Variants in ST3GAL3 observed in about 807,000 individuals in gnomAD.
The protein encoded by ST3GAL3 is ST3 beta-galactoside alpha-2,3-sialyltransferase 3, also known as CMP-N-acetylneuraminate-beta-1,4-galactoside alpha-2,3-sialyltransferase.
Under a neutral mutation model 50.1 loss-of-function variants are expected in ST3GAL3, and 21 were observed. The observed-to-expected ratio is 0.42, with a 90% CI of 0.30 to 0.60. The LOEUF (loss-of-function observed/expected upper bound fraction) is 0.60. Ranked by LOEUF, ST3GAL3 falls within the 20% of genes least tolerant of loss-of-function variation. The probability of loss-of-function intolerance (pLI) is 0.19; values close to 1 mark genes in which losing one functional copy is unlikely to be tolerated. For missense variants in ST3GAL3, 353 were observed against 489.4 expected, an observed-to-expected ratio of 0.72 and a Z score of 2.63; for synonymous variants, 183 against 190.0, an observed-to-expected ratio of 0.96 and a Z score of 0.30.
rs750351440 is a variant in ST3GAL3 at position 43,899,207 on chromosome 1, C to T, written c.501C>T (p.Gly167=). 3.1e-6 allele frequency: 5 copies of T among 1,614,196 alleles called. No individual in the cohort carries two copies. Among genetic ancestry groups the T allele is most frequent in the Non-Finnish European group, 4.2e-6 (5 of 1,180,042 alleles). Residue 167 remains glycine (G), a synonymous_variant, in exon 8 of 12, where the codon GGC becomes GGT. Transcript: ENST00000347631. The surrounding 1 kb of genome is among the most constrained non-coding windows in gnomAD (Gnocchi z 5.4). The part of the protein sequence containing the change: ...CRRCIIVGNG[G]VLANKSLGSR... The stretch of plus-strand genomic sequence containing the variant: ...GCTGCATCATCGTGGGCAATGGAGG[C>T]GTTCTTGCCAACAAGTCTCTGGGGT...
chr1:43,883,055 C>G (rs1017671595), intron 5 of ST3GAL3, among the ~76,000 whole-genome samples: 1 of 151,980 alleles, frequency 6.6e-6, no homozygotes, highest in Admixed American at 6.6e-5. Context: ...TCGACCCTTC[C>G]AGGCTCAAGC....
At chr1:43,870,109 C>T (rs2072302935) in intron 5 of ST3GAL3, among the ~76,000 whole-genome samples, 1 of 152,220 alleles carries the variant, frequency 6.6e-6, no homozygotes, top group Non-Finnish European at 1.5e-5. Context: ...AAACATGGCT[C>T]ACCACCTTCT....
chr1:43,819,636 T>A (rs1309316848), intron 4 of ST3GAL3, among the ~76,000 whole-genome samples: 1 of 133,140 alleles, frequency 7.5e-6, no homozygotes, highest in African/African-American at 2.7e-5. Flanking sequence ...AAATACTCCT[T>A]TAAAAAAATG....
At chr1:43,734,308 GTTT>G (rs11338876) in intron 1 of ST3GAL3, among the ~76,000 whole-genome samples, 1 of 113,306 alleles carries the variant, frequency 8.8e-6, no homozygotes, top group Non-Finnish European at 1.7e-5. Context: ...TTTTTTTTTT[GTTT>G]TTTTTTTTTT....
At chr1:43,741,147 G>A (rs1417265922) in intron 2 of ST3GAL3, among the ~76,000 whole-genome samples, 3 of 151,904 alleles carry the variant, frequency 2.0e-5, no homozygotes, top group African/African-American at 7.3e-5. Flanking sequence ...GGCAACATAG[G>A]GAGACCCTGT....
chr1:43,861,701 A>C (rs1376118679), intron 5 of ST3GAL3, among the ~76,000 whole-genome samples: 2 of 152,224 alleles, frequency 1.3e-5, no homozygotes, highest in East Asian at 3.9e-4. Context: ...TAGTCCCCCA[A>C]CCTGGAGTGC....
chr1:43,915,551 G>A (rs2081637731), intron 9 of ST3GAL3, among the ~76,000 whole-genome samples: 2 of 152,188 alleles, frequency 1.3e-5, no homozygotes, highest in Admixed American at 6.6e-5. Context: ...TCAGATGTCA[G>A]TTCTGCCTTG....
At chr1:43,900,862 C>T (rs899757079) in intron 9 of ST3GAL3, 1 of 152,368 alleles carries the variant, frequency 6.6e-6, no homozygotes, top group East Asian at 1.9e-4. Context: ...AAGGGGAATC[C>T]ATTTCAGAAC....
intron 5 of ST3GAL3, chr1:43,842,439 T>TG (rs2154200734): frequency 6.6e-6 from 1 of 152,316 alleles, no homozygotes; most frequent in East Asian, 1.9e-4. Context: ...GGTAAGCAGA[T>TG]GCCAGCACCA....
At chr1:43,923,535 G>T (rs2083415275) in intron 11 of ST3GAL3, among the ~76,000 whole-genome samples, 1 of 152,138 alleles carries the variant, frequency 6.6e-6, no homozygotes, top group South Asian at 2.1e-4. Flanking sequence ...ATCTGGTCAG[G>T]ACCCACCAGA....
intron 2 of ST3GAL3, among the ~76,000 whole-genome samples, chr1:43,774,799 G>A (rs1019623480): frequency 6.6e-6 from 1 of 152,118 alleles, no homozygotes; most frequent in Non-Finnish European, 1.5e-5. Context: ...AATACATATT[G>A]AGTGTCTGCT....
At chr1:43,893,307 C>T (rs1051686060) in intron 5 of ST3GAL3, among the ~76,000 whole-genome samples, 3 of 152,226 alleles carry the variant, frequency 2.0e-5, no homozygotes, top group Admixed American at 6.5e-5. Flanking sequence ...CACAGAGCCA[C>T]GGAGGCCCAG....
intron 1 of ST3GAL3, among the ~76,000 whole-genome samples, chr1:43,729,333 G>T (rs1361143299): frequency 6.6e-6 from 1 of 152,030 alleles, no homozygotes; most frequent in South Asian, 2.1e-4. Context: ...TTATTCCTTG[G>T]CCTCCCAAAG....
chr1:43,832,884 G>A (rs951696698), intron 4 of ST3GAL3, among the ~76,000 whole-genome samples: 2 of 152,166 alleles, frequency 1.3e-5, no homozygotes, highest in African/African-American at 4.8e-5. Flanking sequence ...CCTCCTCTGT[G>A]GATGGAAAGA....
At chr1:43,722,855 G>A (rs1278261684) in intron 1 of ST3GAL3, among the ~76,000 whole-genome samples, 2 of 152,186 alleles carry the variant, frequency 1.3e-5, no homozygotes, top group Non-Finnish European at 2.9e-5. Flanking sequence ...TTACATACTT[G>A]GACTTGGAAC....
intron 1 of ST3GAL3, among the ~76,000 whole-genome samples, chr1:43,717,246 C>T (rs1014571913): frequency 5.3e-5 from 8 of 152,290 alleles, no homozygotes; most frequent in African/African-American, 9.6e-5. Flanking sequence ...CCTGTGTGTC[C>T]GCTGCTTTAC....
rs1220505526 is a variant in ST3GAL3, at chr1:43,896,106, T to C, written c.397+1629T>C. Among the ~76,000 whole-genome samples the C allele has an allele frequency of 2.6e-5, 4 of 152,148 alleles. No homozygotes were observed. In the East Asian group the frequency reaches 7.7e-4, roughly 29 times the overall value. On this transcript the variant is annotated intron_variant, in intron 6 of 11. Coordinates refer to ENST00000347631, the MANE Select transcript of ST3GAL3 (RefSeq NM_006279.5). ...GTGTAGAACATTGCTTAAAGGTTTG[T>C]TTCCCTACCCCATTCTCACTCAACT...
At chr1:43,898,436 T>A (rs1028998176) in intron 7 of ST3GAL3, 138 bp downstream of exon 7, 1 of 899,362 alleles carries the variant, frequency 1.1e-6, no homozygotes, top group Non-Finnish European at 1.8e-6. Flanking sequence ...ACACACAGGG[T>A]GGGTGGAGCA....
chr1:43,799,353 C>T (rs764415207), intron 3 of ST3GAL3, among the ~76,000 whole-genome samples: 13 of 152,148 alleles, frequency 8.5e-5, no homozygotes, highest in Admixed American at 3.3e-4. Flanking sequence ...TTGTGATTGT[C>T]GTAGTCTCTT....
Sources: allele counts gnomAD v4.1 joint callset (sites outside exome capture counted in the v4.1 genomes callset), GRCh38; gene constraint gnomAD v4.1.1; non-coding constraint Gnocchi (gnomAD v3.1); transcripts MANE v1.5; gene names NCBI Gene and HGNC (gene_info 2026-07-23, HGNC 2026-07-21).